MGMT: variants seen among roughly 807,000 people sequenced by gnomAD.
MGMT encodes methylated-DNA--protein-cysteine methyltransferase.
A neutral mutation model predicts 15.9 loss-of-function variants in MGMT; 14 were observed. That is an observed-to-expected ratio of 0.88 (90% CI 0.58 to 1.37). The LOEUF is 1.37. Ranked by LOEUF, MGMT falls within the 40% of genes most tolerant of loss-of-function variation. MGMT has a pLI of 0.00. For missense variants in MGMT, 282 were observed against 268.1 expected, an observed-to-expected ratio of 1.05 and a Z score of -0.36; for synonymous variants, 130 against 118.2, an observed-to-expected ratio of 1.10 and a Z score of -0.65.
chr10:129,688,543 A>AT lies in MGMT; in HGVS notation c.126-19345dup, dbSNP rs531514819. On this transcript the variant is annotated intron_variant, in intron 2 of 4. Transcript: ENST00000651593. ...ACCCACTTTTTGATGGTGTTGTTTG[A>AT]TTTTTTTCTTGTAAATGTGTTTAAA... Among the ~76,000 whole-genome samples, 785 of 151,950 alleles carry AT rather than the reference A, an allele frequency of 5.2e-3. 8 individuals carry two copies. Among genetic ancestry groups the AT allele is most frequent in the African/African-American group, 0.018 (733 of 41,438 alleles).
intron 2 of MGMT, among the ~76,000 whole-genome samples, chr10:129,617,039 G>T (rs1019773701): frequency 6.6e-6 from 1 of 152,120 alleles, no homozygotes; most frequent in Non-Finnish European, 1.5e-5. Context: ...CTATCACAGG[G>T]GTTTTGTGTG....
intron 2 of MGMT, among the ~76,000 whole-genome samples, chr10:129,705,175 C>T (rs1848146243): frequency 1.3e-5 from 2 of 152,222 alleles, no homozygotes; most frequent in South Asian, 4.1e-4. Context: ...GGCATGTCTG[C>T]TGTCTTCTGG....
At chr10:129,577,498 A>T (rs1846498584) in intron 2 of MGMT, among the ~76,000 whole-genome samples, 3 of 152,242 alleles carry the variant, frequency 2.0e-5, no homozygotes, top group Non-Finnish European at 4.4e-5. Flanking sequence ...GAAAGCTGAA[A>T]CTGGATCCCT....
chr10:129,643,968 C>G lies in MGMT; in HGVS notation c.126-63927C>G, dbSNP rs1283156540. Among the ~76,000 whole-genome samples, 3 of 152,088 alleles carry G rather than the reference C, an allele frequency of 2.0e-5. No homozygotes were observed. In the East Asian group the frequency reaches 5.8e-4, roughly 29 times the overall value. ...CCATCGGCATTTTAAGTAGCTTGAGCACTTGGTTTCACTCTTCAATACTTT... is the reference window on the plus strand; with the variant it reads ...CCATCGGCATTTTAAGTAGCTTGAGGACTTGGTTTCACTCTTCAATACTTT... On this transcript the variant is annotated intron_variant, in intron 2 of 4. Transcript: ENST00000651593.
At chr10:129,606,216 A>C (rs1038335638) in intron 2 of MGMT, among the ~76,000 whole-genome samples, 8 of 152,244 alleles carry the variant, frequency 5.3e-5, no homozygotes, top group African/African-American at 1.9e-4. Flanking sequence ...CGAAACTTGC[A>C]TTGTGGGATT....
At chr10:129,663,537 C>T (rs955030548) in intron 2 of MGMT, among the ~76,000 whole-genome samples, 1 of 151,796 alleles carries the variant, frequency 6.6e-6, no homozygotes, top group Non-Finnish European at 1.5e-5. Context: ...ATCAGTAAAT[C>T]AAATTCTAGG....
In MGMT at chr10:129,623,270, T is replaced by C. The variant is rs1197537076; in HGVS notation, c.126-84625T>C. 2.6e-5 allele frequency among the ~76,000 whole-genome samples: 4 copies of C among 152,174 alleles called. 1 individual carries two copies. The highest frequency in any genetic ancestry group is 9.6e-5 in the African/African-American group (4 of 41,452). On this transcript the variant is annotated intron_variant, in intron 2 of 4. Coordinates refer to ENST00000651593, the MANE Select transcript of MGMT (RefSeq NM_002412.5). The stretch of plus-strand genomic sequence containing the variant: ...TGAACAGACAAGTTTGCCAGGAGTC[T>C]GTTCAGACCTGGTGCTCCCTGAGCC...
intron 2 of MGMT, among the ~76,000 whole-genome samples, chr10:129,687,120 G>A (rs540252056): frequency 1.3e-5 from 2 of 152,212 alleles, no homozygotes; most frequent in South Asian, 4.2e-4. Flanking sequence ...GAACCAAGGG[G>A]TAAGAACAAC....
intron 1 of MGMT, among the ~76,000 whole-genome samples, chr10:129,502,777 C>T (rs1461859708): frequency 6.7e-6 from 1 of 150,008 alleles, no homozygotes; most frequent in Non-Finnish European, 1.5e-5. Flanking sequence ...TCCTTAAAAT[C>T]AAGTTACATT....
Position 129,708,000 on chromosome 10 carries a change from A to C in MGMT, c.231A>C (p.Glu77Asp). Residue 77 changes from glutamate (E) to aspartate (D), a missense_variant, in exon 3 of 5, where the codon GAA becomes GAC. Transcript: ENST00000651593. ...ATTTCCACCAGCCCGAGGCTATCGA[A>C]GAGTTCCCCGTGCCGGCTCTTCACC... ...NAYFHQPEAI[E>D]EFPVPALHHP... 1 of 1,613,684 alleles carries C rather than the reference A, an allele frequency of 6.2e-7. No individual in the cohort carries two copies. The highest frequency in any genetic ancestry group is 1.3e-5 in the African/African-American group (1 of 74,952).
chr10:129,596,913 G>C (rs1201769029), intron 2 of MGMT, among the ~76,000 whole-genome samples: 1 of 152,110 alleles, frequency 6.6e-6, no homozygotes, highest in African/African-American at 2.4e-5. Context: ...GGCATATACA[G>C]ACACTGCTTT....
intron 2 of MGMT, among the ~76,000 whole-genome samples, chr10:129,550,852 G>T (rs1020093113): frequency 6.6e-6 from 1 of 152,140 alleles, no homozygotes; most frequent in Admixed American, 6.5e-5. Flanking sequence ...ACTCCTTTCC[G>T]TCTTGATGCT....
chr10:129,725,601 C>T (rs1029412974), intron 3 of MGMT, among the ~76,000 whole-genome samples: 1 of 152,248 alleles, frequency 6.6e-6, no homozygotes, highest in Non-Finnish European at 1.5e-5. Context: ...TGCCCCAGCA[C>T]GGCCACAGCT....
intron 2 of MGMT, among the ~76,000 whole-genome samples, chr10:129,568,414 C>A (rs1340021233): frequency 2.6e-5 from 4 of 152,122 alleles, no homozygotes; most frequent in Non-Finnish European, 5.9e-5. Flanking sequence ...GGGCAAATGT[C>A]CTGGGATTGG....
In MGMT at chr10:129,736,513, C is replaced by G. The variant is rs936510369; in HGVS notation, c.275-22689C>G. On this transcript the variant is annotated intron_variant, in intron 3 of 4. Transcript: ENST00000651593. ...ACACTGATGGGTCTTGACTCTTTAT[C>G]CAATTTGCCAGTCTGTGTCTTTTAA... Among the ~76,000 whole-genome samples, 5 of 147,156 alleles carry G rather than the reference C, an allele frequency of 3.4e-5. 1 individual carries two copies. Among genetic ancestry groups the G allele is most frequent in the African/African-American group, 7.4e-5 (3 of 40,736 alleles).
intron 2 of MGMT, among the ~76,000 whole-genome samples, chr10:129,597,820 G>T (rs767122154): frequency 5.1e-4 from 77 of 152,230 alleles, no homozygotes; most frequent in Non-Finnish European, 9.6e-4. Context: ...AGAAGTGGCT[G>T]CTGACTCCTG....
rs763354641 is a variant in MGMT at position 129,759,270 on chromosome 10, C to G, written c.343C>G (p.Gln115Glu). The part of the protein sequence containing the change: ...VVKFGEVISY[Q>E]QLAALAGNPK... Reference sequence around the variant, plus strand: ...GAAATTCGGAGAAGTGATTTCTTACCAGCAATTAGCAGCCCTGGCAGGCAA... The same window carrying G: ...GAAATTCGGAGAAGTGATTTCTTACGAGCAATTAGCAGCCCTGGCAGGCAA... The change falls in exon 4 of 5, where the codon CAG becomes GAG. Residue 115 changes from glutamine to glutamate, a missense_variant. Physicochemically the swap from Gln to Glu is conservative, Grantham distance 29. Coordinates refer to ENST00000651593, the MANE Select transcript of MGMT (RefSeq NM_002412.5). 2.5e-6 allele frequency: 4 copies of G among 1,614,040 alleles called. No homozygotes were observed. In the African/African-American group the frequency reaches 5.3e-5, roughly 22 times the overall value.
intron 1 of MGMT, among the ~76,000 whole-genome samples, chr10:129,491,779 C>T (rs1004834696): frequency 1.2e-4 from 18 of 151,900 alleles, no homozygotes; most frequent in Non-Finnish European, 2.4e-4. Context: ...CTAGAATGCC[C>T]GTTTTGTACT....
Position 129,691,943 on chromosome 10 carries a change from C to G in MGMT, c.126-15952C>G, listed in dbSNP as rs138882132. Among the ~76,000 whole-genome samples the G allele has an allele frequency of 1.7e-3, 259 of 152,342 alleles. 1 individual carries two copies. Among genetic ancestry groups the G allele is most frequent in the Non-Finnish European group, 2.9e-3 (197 of 68,026 alleles). ...GCTGCATGGCCTTGGGAGTTATTCA[C>G]TCCTCTGCACTTTGGTTTTCTCGTT... On this transcript the variant is annotated intron_variant, in intron 2 of 4. Coordinates refer to ENST00000651593, the MANE Select transcript of MGMT (RefSeq NM_002412.5).
Sources: allele counts gnomAD v4.1 joint callset (sites outside exome capture counted in the v4.1 genomes callset), GRCh38; gene constraint gnomAD v4.1.1; transcripts MANE v1.5; gene names NCBI Gene and HGNC (gene_info 2026-07-23, HGNC 2026-07-21).